The following TRIQK variants were observed in gnomAD, a reference collection of about 807,000 sequenced individuals.
TRIQK encodes the protein triple QxxK/R motif-containing protein.
A neutral mutation model predicts 10.8 loss-of-function variants in TRIQK; 10 were observed. The observed-to-expected ratio is 0.92, with a 90% CI of 0.57 to 1.57. TRIQK has a LOEUF of 1.57. TRIQK is among the 40% of genes most tolerant of loss of function. TRIQK has a pLI of 0.00. For missense variants in TRIQK, 107 were observed against 97.7 expected, an observed-to-expected ratio of 1.09 and a Z score of -0.40; for synonymous variants, 33 against 33.7, an observed-to-expected ratio of 0.98 and a Z score of 0.07.
chr8:92,976,993 T>C (rs1052857496), intron 1 of TRIQK, among the ~76,000 whole-genome samples: 14 of 152,052 alleles, frequency 9.2e-5, no homozygotes, highest in Non-Finnish European at 1.6e-4. Flanking sequence ...TTATTTTTGC[T>C]GTAACAATTC....
At chr8:92,974,584 C>G (rs1812911056) in intron 1 of TRIQK, 1 of 152,220 alleles carries the variant, frequency 6.6e-6, no homozygotes, top group Non-Finnish European at 1.5e-5. Context: ...TCTTAATTGA[C>G]TGATAGTATC....
chr8:93,002,815 A>G (rs10216872), intron 1 of TRIQK, among the ~76,000 whole-genome samples: 40,362 of 151,552 alleles, frequency 0.27, 6,237 homozygotes, highest in African/African-American at 0.43. Context: ...GGCTACTTGG[A>G]AGACTAAGGC....
At chr8:92,930,955 T>G (rs1009253761) in intron 2 of TRIQK, among the ~76,000 whole-genome samples, 10 of 152,202 alleles carry the variant, frequency 6.6e-5, no homozygotes, top group Admixed American at 2.6e-4. Flanking sequence ...TACTTTTATC[T>G]CTGTAATTCC....
intron 1 of TRIQK, among the ~76,000 whole-genome samples, chr8:92,993,633 A>G (rs933449275): frequency 1.3e-5 from 2 of 152,068 alleles, no homozygotes; most frequent in Non-Finnish European, 2.9e-5. Context: ...AACCCATCCA[A>G]TCATGGAGAT....
chr8:92,936,546 G>A (rs537910978), intron 2 of TRIQK, among the ~76,000 whole-genome samples: 54 of 151,598 alleles, frequency 3.6e-4, no homozygotes, highest in African/African-American at 1.3e-3. Flanking sequence ...TTGATACATA[G>A]GCAAACAAAC....
At chr8:92,906,227 C>A (rs1809251197) in intron 3 of TRIQK, among the ~76,000 whole-genome samples, 1 of 152,084 alleles carries the variant, frequency 6.6e-6, no homozygotes. Context: ...CTGAGCCAGC[C>A]ACCTAGGCAG....
intron 1 of TRIQK, among the ~76,000 whole-genome samples, chr8:92,964,698 C>T (rs1164838337): frequency 6.6e-6 from 1 of 151,060 alleles, no homozygotes; most frequent in East Asian, 1.9e-4. Context: ...ATCATATACA[C>T]AAAAAGATTA....
intron 1 of TRIQK, among the ~76,000 whole-genome samples, chr8:92,964,470 A>C (rs990448802): frequency 3.4e-5 from 5 of 148,062 alleles, no homozygotes; most frequent in African/African-American, 9.8e-5. Flanking sequence ...ATATCTATAT[A>C]TATATATATA....
At chr8:92,951,111 G>T (rs891089723) in intron 2 of TRIQK, among the ~76,000 whole-genome samples, 4 of 151,390 alleles carry the variant, frequency 2.6e-5, no homozygotes, top group African/African-American at 9.7e-5. Context: ...TTTTTTTATT[G>T]TTGTATGGCT....
At chr8:92,952,418 A>AAC (rs143129049) in intron 2 of TRIQK, among the ~76,000 whole-genome samples, 8,260 of 148,136 alleles carry the variant, frequency 0.056, 520 homozygotes, top group African/African-American at 0.16. Flanking sequence ...ACAAAGATAA[A>AAC]ACACACACAC....
intron 2 of TRIQK, among the ~76,000 whole-genome samples, chr8:92,919,544 G>A (rs1211271801): frequency 2.0e-5 from 3 of 151,642 alleles, no homozygotes; most frequent in Non-Finnish European, 4.4e-5. Flanking sequence ...GGTTTGTAGT[G>A]TTTTGTTGAG....
intron 1 of TRIQK, among the ~76,000 whole-genome samples, chr8:93,004,099 A>G (rs1044011778): frequency 4.6e-5 from 7 of 152,326 alleles, no homozygotes; most frequent in African/African-American, 1.7e-4. Flanking sequence ...TCCACTAGGC[A>G]GTGCCCCAGT....
At chr8:92,930,945 T>C (rs574679222) in intron 2 of TRIQK, among the ~76,000 whole-genome samples, 63 of 152,194 alleles carry the variant, frequency 4.1e-4, no homozygotes, top group Non-Finnish European at 7.1e-4. Flanking sequence ...AGATGGTATA[T>C]ACTTTTATCT....
intron 2 of TRIQK, among the ~76,000 whole-genome samples, chr8:92,922,772 A>G (rs1247341355): frequency 6.6e-6 from 1 of 151,818 alleles, no homozygotes; most frequent in African/African-American, 2.4e-5. Flanking sequence ...TTTTATAGGT[A>G]TAATAATCAC....
intron 3 of TRIQK, among the ~76,000 whole-genome samples, chr8:92,893,079 A>C (rs1173565133): frequency 2.6e-5 from 4 of 151,918 alleles, no homozygotes; most frequent in African/African-American, 9.7e-5. Flanking sequence ...ACTCATCGCT[A>C]CATTCCCTTC....
chr8:93,006,179 C>A (rs1034460205), intron 1 of TRIQK, among the ~76,000 whole-genome samples: 2 of 152,010 alleles, frequency 1.3e-5, no homozygotes, highest in Non-Finnish European at 2.9e-5. Context: ...CCAAAATGGG[C>A]GACTAGAAAC....
intron 1 of TRIQK, among the ~76,000 whole-genome samples, chr8:92,988,078 C>G (rs1414029646): frequency 7.0e-6 from 1 of 142,066 alleles, no homozygotes; most frequent in African/African-American, 2.6e-5. Context: ...GCGATCTCGG[C>G]TCACTGCAAG....
In TRIQK at chr8:93,014,905, C is replaced by T. The variant is rs147215719; in HGVS notation, c.-181+2704G>A. ...ATCTAGAGATTTACATGGTGCACAGCAGTAACTAATAGATATAATCTGGTC... is the reference window on the plus strand; with the variant it reads ...ATCTAGAGATTTACATGGTGCACAGTAGTAACTAATAGATATAATCTGGTC... On this transcript the variant is annotated intron_variant, in intron 1 of 4. Coordinates refer to the TRIQK transcript ENST00000520686. Among the ~76,000 whole-genome samples the T allele has an allele frequency of 6.5e-3, 992 of 152,054 alleles. 4 individuals are homozygous for T. Among genetic ancestry groups the T allele is most frequent in the Non-Finnish European group, 0.01 (690 of 67,864 alleles).
chr8:92,886,977 T>A (rs1816517827), intron 4 of TRIQK: 1 of 258,960 alleles, frequency 3.9e-6, no homozygotes, highest in African/African-American at 2.2e-5. Flanking sequence ...CTAGCTAATT[T>A]GTTTTTTCCT....
Sources: allele counts gnomAD v4.1 joint callset (sites outside exome capture counted in the v4.1 genomes callset), GRCh38; gene constraint gnomAD v4.1.1; transcripts MANE v1.5; gene names NCBI Gene and HGNC (gene_info 2026-07-23, HGNC 2026-07-21).